The following OLFM1 variants were observed in gnomAD, a reference collection of about 807,000 sequenced individuals.
OLFM1 encodes olfactomedin 1.
A neutral mutation model predicts 49.7 loss-of-function variants in OLFM1; 9 were observed. The ratio of observed to expected loss-of-function variants is 0.18; its 90% CI spans 0.11 to 0.32. OLFM1 has a LOEUF of 0.32. Ranked by LOEUF, OLFM1 falls within the 10% of genes least tolerant of loss-of-function variation. OLFM1 has a pLI of 1.00. For synonymous variants in OLFM1, 240 were observed against 271.8 expected (o/e 0.88, Z 1.15); for missense variants, 369 against 661.8 (o/e 0.56, Z 4.85).
intron 1 of OLFM1, chr9:135,075,972 T>TGGGA: frequency 9.0e-7 from 1 of 1,106,722 alleles, no homozygotes; most frequent in South Asian, 1.8e-5. Context: ...TGGACCTGGG[T>TGGGA]GGGAGGGAGG....
At chr9:135,087,450 A>G, upstream of OLFM1, 1 of 1,541,492 alleles carries the variant, frequency 6.5e-7, no homozygotes, top group Non-Finnish European at 8.8e-7. Context: ...CGGGTATTTT[A>G]TGATCTGGGG....
upstream of OLFM1, among the ~76,000 whole-genome samples, chr9:135,085,740 A>G (rs144365181): frequency 3.5e-4 from 54 of 152,372 alleles, no homozygotes; most frequent in African/African-American, 1.3e-3. Flanking sequence ...TCAACGATCC[A>G]TACTTTCCTT....
upstream of OLFM1, among the ~76,000 whole-genome samples, chr9:135,085,070 T>TA (rs977919221): frequency 3.3e-5 from 5 of 152,172 alleles, no homozygotes; most frequent in African/African-American, 1.2e-4. Context: ...TGCTTGTTTT[T>TA]ATGTGTGTTG....
chr9:135,087,115 C>T (rs1380743025), upstream of OLFM1: 4 of 915,856 alleles, frequency 4.4e-6, no homozygotes, highest in East Asian at 1.2e-4. Flanking sequence ...ACCGCGGCTG[C>T]CCTGGGATCG....
chr9:135,109,122 G>A (rs912485199), intron 5 of OLFM1, among the ~76,000 whole-genome samples: 1 of 151,872 alleles, frequency 6.6e-6, no homozygotes, highest in African/African-American at 2.4e-5. Context: ...GGACTGGACT[G>A]CTTTGTCTGT....
intron 5 of OLFM1, among the ~76,000 whole-genome samples, chr9:135,118,605 G>GCTCACTGGGTCTTTGGAGTA (rs1233733950): frequency 6.8e-6 from 1 of 146,286 alleles, no homozygotes; most frequent in African/African-American, 2.6e-5. Flanking sequence ...CTTTGGAAAT[G>GCTCACTGGGTCTTTGGAGTA]CTCACTGGGT....
chr9:135,097,161 T>C (rs576615719), intron 3 of OLFM1, among the ~76,000 whole-genome samples: 1 of 152,342 alleles, frequency 6.6e-6, no homozygotes, highest in South Asian at 2.1e-4. Flanking sequence ...GCTCCCTGCA[T>C]GAGGCAAGAA....
chr9:135,076,151 G>T, intron 1 of OLFM1: 1 of 1,550,030 alleles, frequency 6.5e-7, no homozygotes, highest in South Asian at 1.2e-5. Flanking sequence ...AAGAGTGAGA[G>T]CCGGATAGCC....
chr9:135,084,691 C>A (rs368251172), upstream of OLFM1, among the ~76,000 whole-genome samples: 2 of 151,992 alleles, frequency 1.3e-5, no homozygotes, highest in Admixed American at 6.5e-5. The surrounding 1 kb of genome is among the most constrained non-coding windows in gnomAD (Gnocchi z 4.6). Flanking sequence ...GGAGAGTATG[C>A]GTATTTTTAA....
At chr9:135,105,317 T>G (rs1400145603) in intron 4 of OLFM1, among the ~76,000 whole-genome samples, 1 of 152,158 alleles carries the variant, frequency 6.6e-6, no homozygotes, top group Non-Finnish European at 1.5e-5. Flanking sequence ...CGATGGGAAT[T>G]TGGGGGCAAA....
In OLFM1 at chr9:135,120,034, C is replaced by A. The variant is rs199895479; in HGVS notation, c.1314C>A (p.Ile438=). The A allele has an allele frequency of 6.2e-7, 1 of 1,614,024 alleles. No individual in the cohort carries two copies. Among genetic ancestry groups the A allele is most frequent in the Admixed American group, 1.7e-5 (1 of 60,010 alleles). ...CCAATGCCTCCACCTATGAATACAT[C>A]GACATCCCATTCCAGAACAAATACT... ...YQTNASTYEY[I]DIPFQNKYSH... The change falls in exon 6 of 6, where the codon ATC becomes ATA. Residue 438 remains isoleucine (I), a synonymous_variant. Coordinates refer to ENST00000371793, the MANE Select transcript of OLFM1 (RefSeq NM_001282611.2).
chr9:135,106,360 G>A (rs765015961), intron 4 of OLFM1: 12 of 200,762 alleles, frequency 6.0e-5, no homozygotes, highest in Non-Finnish European at 8.2e-5. Context: ...GGGTGGAGCC[G>A]CTGCGTTCCC....
chr9:135,084,752 G>A (rs1014484707), upstream of OLFM1, among the ~76,000 whole-genome samples: 1 of 152,142 alleles, frequency 6.6e-6, no homozygotes, highest in Non-Finnish European at 1.5e-5. The surrounding 1 kb of genome is among the most constrained non-coding windows in gnomAD (Gnocchi z 4.6). Context: ...CTTTGCCAAG[G>A]AGCATCGGGA....
In OLFM1 at chr9:135,099,742, T is replaced by C. The variant is rs555185248; in HGVS notation, c.676+1237T>C. Among the ~76,000 whole-genome samples, 13 of 152,354 alleles carry C rather than the reference T, an allele frequency of 8.5e-5. No homozygotes were observed. The South Asian group carries it at 2.1e-3, about 24-fold the overall frequency. On this transcript the variant is annotated intron_variant, in intron 4 of 5. Coordinates refer to ENST00000371793, the MANE Select transcript of OLFM1 (RefSeq NM_001282611.2). ...CTCACGGGGGCTGCTAACTGCATTC[T>C]TTCAGCTCTGTGCTCCATGGTGCCC...
At chr9:135,097,128 A>G (rs145352233) in intron 3 of OLFM1, among the ~76,000 whole-genome samples, 128 of 152,266 alleles carry the variant, frequency 8.4e-4, no homozygotes, top group Middle Eastern at 3.4e-3. Context: ...CGTCCTTTTT[A>G]TGCTAATGTT....
At chr9:135,079,421 T>A (rs1308363393) in intron 1 of OLFM1, among the ~76,000 whole-genome samples, 2 of 151,928 alleles carry the variant, frequency 1.3e-5, no homozygotes, top group African/African-American at 4.8e-5. Context: ...CCGGCCAACA[T>A]GAAGAAACCC....
intron 5 of OLFM1, 59 bp from the exon 6 acceptor site, chr9:135,119,445 C>A (rs11791706): frequency 0.12 from 169,264 of 1,418,182 alleles, 9,916 homozygotes; most frequent in African/African-American, 0.22. Flanking sequence ...CTCACTGGGT[C>A]TTTGGAGTAC....
In OLFM1 at chr9:135,080,088, C is replaced by A. The variant is rs1188226531; in HGVS notation, c.96+4286C>A. On this transcript the variant is annotated intron_variant, in intron 1 of 5. Coordinates refer to the OLFM1 transcript ENST00000252854. This position sits in a 1 kb window ranked among gnomAD's most constrained non-coding sequence, Gnocchi z 4.5. ...CAGAGAACCCCAGTGAGGCCCATCCCTCTGAATCTGTTCCTCATCCCCCCA... is the reference window on the plus strand; with the variant it reads ...CAGAGAACCCCAGTGAGGCCCATCCATCTGAATCTGTTCCTCATCCCCCCA... Among the ~76,000 whole-genome samples the A allele has an allele frequency of 6.7e-6, 1 of 149,664 alleles. No homozygotes were observed. Among genetic ancestry groups the A allele is most frequent in the African/African-American group, 2.5e-5 (1 of 39,848 alleles).
intron 5 of OLFM1, among the ~76,000 whole-genome samples, chr9:135,111,906 A>G (rs1365889039): frequency 6.6e-6 from 1 of 152,064 alleles, no homozygotes; most frequent in African/African-American, 2.4e-5. Flanking sequence ...TAGTAGAGAC[A>G]GGGTTTCACC....
Sources: gnomAD v4.1 joint callset for allele counts (sites outside exome capture counted in the v4.1 genomes callset) on GRCh38, gnomAD v4.1.1 for gene constraint, Gnocchi (gnomAD v3.1) non-coding constraint, MANE v1.5 for transcripts, NCBI Gene and HGNC (gene_info 2026-07-23, HGNC 2026-07-21) for gene names.